DOCK10: variants seen among roughly 807,000 people sequenced by gnomAD.
DOCK10 encodes dedicator of cytokinesis 10, also known as dedicator of cytokinesis protein 10.
A neutral mutation model predicts 280.1 loss-of-function variants in DOCK10; 145 were observed. That is an observed-to-expected ratio of 0.52 (90% CI 0.45 to 0.59). The LOEUF is 0.59. Among genes scored for constraint, DOCK10 ranks in the 20% least tolerant of loss-of-function variants. The pLI, the probability that DOCK10 is intolerant of heterozygous loss-of-function variation, is 0.00. For missense variants in DOCK10, 2,368 were observed against 2,651.7 expected (o/e 0.89, Z 2.35); for synonymous variants, 915 against 942.2 (o/e 0.97, Z 0.53).
At chr2:224,845,769 G>A (rs1398504618) in intron 19 of DOCK10, 127 bp from the exon 20 acceptor site, 18 of 888,694 alleles carry the variant, frequency 2.0e-5, no homozygotes, top group South Asian at 3.5e-5. Flanking sequence ...TGTCACCTAC[G>A]CTGGAGTGCA....
At chr2:224,993,915 A>G (rs1706197961) in intron 1 of DOCK10, among the ~76,000 whole-genome samples, 1 of 152,114 alleles carries the variant, frequency 6.6e-6, no homozygotes, top group Non-Finnish European at 1.5e-5. Flanking sequence ...TGTGGTTAGG[A>G]TAGGATCCTA....
intron 1 of DOCK10, among the ~76,000 whole-genome samples, chr2:225,023,877 A>G (rs1465942979): frequency 6.6e-6 from 1 of 152,216 alleles, no homozygotes; most frequent in Non-Finnish European, 1.5e-5. Flanking sequence ...GGAATCTCAG[A>G]AGATCTCCCA....
chr2:224,925,017 C>T (rs1372442226), intron 2 of DOCK10, among the ~76,000 whole-genome samples: 2 of 152,130 alleles, frequency 1.3e-5, no homozygotes, highest in African/African-American at 4.8e-5. Context: ...AATATTATAA[C>T]ATAGAAAGAA....
intron 1 of DOCK10, among the ~76,000 whole-genome samples, chr2:224,989,795 T>C (rs1298847889): frequency 6.6e-6 from 1 of 152,196 alleles, no homozygotes; most frequent in African/African-American, 2.4e-5. Context: ...CTTTATCAAG[T>C]TGCATCTCTG....
chr2:224,866,172 T>C (rs1319010946), intron 11 of DOCK10, among the ~76,000 whole-genome samples: 1 of 152,206 alleles, frequency 6.6e-6, no homozygotes, highest in African/African-American at 2.4e-5. Context: ...GGACTACTCA[T>C]TGTATTTTTC....
rs1176028856 is a variant in DOCK10 at position 225,022,229 on chromosome 2, T to G, written c.123+20023A>C. 2.0e-5 allele frequency among the ~76,000 whole-genome samples: 3 copies of G among 152,190 alleles called. No individual in the cohort carries two copies. The East Asian group carries it at 5.8e-4, about 29-fold the overall frequency. On this transcript the variant is annotated intron_variant, in intron 1 of 55. Transcript: ENST00000258390. The stretch of plus-strand genomic sequence containing the variant: ...ATCTACCGTTTAAAACTGTGTAATC[T>G]TGTCTTAGACCTACCATTTAAAATT...
chr2:224,917,494 T>C (rs1701404395), intron 2 of DOCK10, among the ~76,000 whole-genome samples: 1 of 152,142 alleles, frequency 6.6e-6, no homozygotes, highest in African/African-American at 2.4e-5. Flanking sequence ...ATAAACACAG[T>C]CCCTTTTAGA....
chr2:224,826,297 C>A (rs1399858783), intron 27 of DOCK10, among the ~76,000 whole-genome samples: 6 of 152,082 alleles, frequency 3.9e-5, no homozygotes. Context: ...CTCCTGACCT[C>A]AGGTGATCTG....
rs777310814 is a variant in DOCK10, at chr2:224,834,277, A to C, written c.2851-14T>G. 7.1e-6 allele frequency: 10 copies of C among 1,415,176 alleles called. No individual in the cohort carries two copies. In the African/African-American group the frequency reaches 1.4e-4, roughly 20 times the overall value. The allele number at this position is 1,415,176 out of a possible 1,614,324, so 87.7% of individuals were successfully genotyped here. A position where few individuals can be genotyped will look rare whatever the true frequency, so the allele number is the denominator to read the frequency against. ...CTTGAACACGAACTGAAGAAAATCC[A>C]AAAAGTGAATAAAGTTAAATACTTT... is the stretch of plus-strand genomic sequence containing the variant. On this transcript the variant is annotated splice_polypyrimidine_tract_variant and intron_variant, in intron 25 of 55. Transcript: ENST00000258390.
chr2:224,810,457 AT>A (rs1320382872), intron 31 of DOCK10, among the ~76,000 whole-genome samples: 1 of 152,002 alleles, frequency 6.6e-6, no homozygotes, highest in Non-Finnish European at 1.5e-5. Flanking sequence ...AATATTGTAT[AT>A]TTGAAATCTA....
At chr2:225,031,221 G>T (rs572305322) in intron 1 of DOCK10, among the ~76,000 whole-genome samples, 1 of 152,198 alleles carries the variant, frequency 6.6e-6, no homozygotes, top group East Asian at 1.9e-4. Flanking sequence ...CAGACTGGCT[G>T]CCAGGGAAGT....
chr2:224,767,621 A>G (rs1690145535), intron 55 of DOCK10, among the ~76,000 whole-genome samples: 1 of 152,130 alleles, frequency 6.6e-6, no homozygotes, highest in Non-Finnish European at 1.5e-5. Flanking sequence ...TCATGCCCAG[A>G]TATCTGTGGT....
At chr2:224,889,121 A>C (rs1490037986) in intron 4 of DOCK10, among the ~76,000 whole-genome samples, 1 of 152,268 alleles carries the variant, frequency 6.6e-6, no homozygotes, top group Admixed American at 6.5e-5. Context: ...CAACCTCTGA[A>C]TCTGACTATT....
chr2:224,884,207 C>T (rs1368485635), intron 7 of DOCK10, among the ~76,000 whole-genome samples: 1 of 152,148 alleles, frequency 6.6e-6, no homozygotes, highest in Non-Finnish European at 1.5e-5. Flanking sequence ...AGCTTTATTA[C>T]TTCCTGGAAG....
chr2:224,795,846 T>C (rs1434502167), intron 44 of DOCK10, among the ~76,000 whole-genome samples: 3 of 152,162 alleles, frequency 2.0e-5, no homozygotes, highest in African/African-American at 4.8e-5. Flanking sequence ...TTCCCCCAAA[T>C]AGAGTTAGGA....
rs573454681 is a variant in DOCK10 at position 224,872,277 on chromosome 2, G to A, written c.1257+1719C>T. 3.9e-5 allele frequency among the ~76,000 whole-genome samples: 6 copies of A among 152,214 alleles called. No homozygotes were observed. In the South Asian group the frequency reaches 1.0e-3, roughly 26 times the overall value. ...TTTAGATGACAGTTAAGTATTTAACGAATGCTTACTTTGTACCAAGCAATG... is the reference window on the plus strand; with the variant it reads ...TTTAGATGACAGTTAAGTATTTAACAAATGCTTACTTTGTACCAAGCAATG... On this transcript the variant is annotated intron_variant, in intron 11 of 55. Coordinates refer to ENST00000258390, the MANE Select transcript of DOCK10 (RefSeq NM_014689.3).
intron 27 of DOCK10, among the ~76,000 whole-genome samples, chr2:224,824,436 T>TTC (rs1694713353): frequency 1.4e-5 from 2 of 144,204 alleles, no homozygotes; most frequent in African/African-American, 5.3e-5. Context: ...CTGCTTTTTT[T>TTC]TTTTTTTTTT....
At chr2:224,937,504 T>A (rs766605512) in intron 1 of DOCK10, among the ~76,000 whole-genome samples, 12 of 152,186 alleles carry the variant, frequency 7.9e-5, no homozygotes, top group Non-Finnish European at 1.5e-4. Flanking sequence ...TTCATATTTA[T>A]GATTTAAATT....
intron 1 of DOCK10, among the ~76,000 whole-genome samples, chr2:225,008,477 A>G (rs1301531350): frequency 1.3e-5 from 2 of 152,224 alleles, no homozygotes; most frequent in African/African-American, 4.8e-5. Flanking sequence ...TATGGGTTTC[A>G]GTGATCAGCT....
Sources: allele counts gnomAD v4.1 joint callset (sites outside exome capture counted in the v4.1 genomes callset), GRCh38; gene constraint gnomAD v4.1.1; transcripts MANE v1.5; gene names NCBI Gene and HGNC (gene_info 2026-07-23, HGNC 2026-07-21).